RIMS2: variants seen among roughly 807,000 people sequenced by gnomAD.
RIMS2 encodes regulating synaptic membrane exocytosis 2, also known as regulating synaptic membrane exocytosis protein 2.
Under a neutral mutation model 174.4 loss-of-function variants are expected in RIMS2, and 59 were observed. The ratio of observed to expected loss-of-function variants is 0.34; its 90% CI spans 0.27 to 0.42. RIMS2 has a LOEUF of 0.42. Among genes scored for constraint, RIMS2 ranks in the 10% least tolerant of loss-of-function variants. RIMS2 has a pLI of 1.00. For missense variants in RIMS2, 1,620 were observed against 1,666.3 expected (o/e 0.97, Z 0.48); for synonymous variants, 606 against 572.5 (o/e 1.06, Z -0.84).
chr8:103,608,851 C>G (rs899271183), intron 1 of RIMS2, among the ~76,000 whole-genome samples: 3 of 152,214 alleles, frequency 2.0e-5, no homozygotes, highest in Non-Finnish European at 4.4e-5. Flanking sequence ...TGCTTTGGCT[C>G]GCGCACGGTG....
At chr8:103,946,664 A>G (rs2083878517) in intron 14 of RIMS2, among the ~76,000 whole-genome samples, 1 of 152,214 alleles carries the variant, frequency 6.6e-6, no homozygotes, top group Non-Finnish European at 1.5e-5. Flanking sequence ...TAGAACACCC[A>G]GTATTATTAA....
intron 10 of RIMS2, among the ~76,000 whole-genome samples, chr8:103,925,027 G>A (rs1046643660): frequency 6.6e-6 from 1 of 151,548 alleles, no homozygotes; most frequent in Non-Finnish European, 1.5e-5. Context: ...CCAGAATTTA[G>A]CAGTTTTTTC....
chr8:104,252,965 C>G (rs1381874451), downstream of RIMS2: 1 of 152,078 alleles, frequency 6.6e-6, no homozygotes, highest in Non-Finnish European at 1.5e-5. Flanking sequence ...CTGTAGATGC[C>G]TCTGAATTTG....
chr8:103,528,506 A>G (rs1835226577), intron 1 of RIMS2, among the ~76,000 whole-genome samples: 1 of 152,160 alleles, frequency 6.6e-6, no homozygotes, highest in African/African-American at 2.4e-5. Flanking sequence ...GTTTTCTTCT[A>G]GAGTTTTTAT....
At chr8:103,652,778 T>C in intron 1 of RIMS2, 68 bp downstream of exon 3, 7 of 949,914 alleles carry the variant, frequency 7.4e-6, no homozygotes, top group Non-Finnish European at 1.0e-5. Context: ...AAGTATGTGT[T>C]AAAATACTGT....
At chr8:103,855,234 T>A (rs147487653) in intron 3 of RIMS2, among the ~76,000 whole-genome samples, 1 of 152,206 alleles carries the variant, frequency 6.6e-6, no homozygotes, top group East Asian at 1.9e-4. Context: ...TTGTACTTAT[T>A]TGGATCTTCT....
intron 19 of RIMS2, among the ~76,000 whole-genome samples, chr8:104,115,457 CACTT>C (rs912943715): frequency 7.2e-5 from 11 of 152,136 alleles, no homozygotes; most frequent in Admixed American, 2.6e-4. Context: ...AATATGGGAA[CACTT>C]ACTTAGTAAA....
intron 19 of RIMS2, among the ~76,000 whole-genome samples, chr8:104,109,696 A>G (rs1004993918): frequency 6.6e-6 from 1 of 152,166 alleles, no homozygotes; most frequent in African/African-American, 2.4e-5. Context: ...CTTTCCTCAC[A>G]CTTTTCCACA....
intron 3 of RIMS2, among the ~76,000 whole-genome samples, chr8:103,869,512 G>A (rs749700162): frequency 2.6e-5 from 4 of 151,834 alleles, no homozygotes; most frequent in Non-Finnish European, 5.9e-5. Context: ...TTGTAGAAAC[G>A]GAGTTTCACC....
intron 3 of RIMS2, among the ~76,000 whole-genome samples, chr8:103,864,053 T>C (rs1466519762): frequency 1.3e-5 from 2 of 151,984 alleles, no homozygotes; most frequent in African/African-American, 4.8e-5. Flanking sequence ...GGACTACAGG[T>C]GTGTTCCACC....
rs1443977685 is a variant in RIMS2 at position 103,915,087 on chromosome 8, A to C, written c.1813-408A>C. Among the ~76,000 whole-genome samples the C allele has an allele frequency of 2.0e-5, 3 of 152,074 alleles. No individual in the cohort carries two copies. The East Asian group carries it at 5.8e-4, about 29-fold the overall frequency. On this transcript the variant is annotated intron_variant, in intron 6 of 23. Transcript: ENST00000504942. ...AGATTATCAATGAAAATTTGGTGGT[A>C]TATCCTAATTATAGTAAAAGAAACA... is the stretch of plus-strand genomic sequence containing the variant.
intron 3 of RIMS2, among the ~76,000 whole-genome samples, chr8:103,814,675 G>A (rs1403879461): frequency 6.6e-6 from 1 of 152,036 alleles, no homozygotes; most frequent in Non-Finnish European, 1.5e-5. Flanking sequence ...AGGAGTTCAA[G>A]ACTAGCCTGG....
intron 3 of RIMS2, among the ~76,000 whole-genome samples, chr8:103,875,830 T>C (rs920743708): frequency 6.6e-6 from 1 of 152,078 alleles, no homozygotes; most frequent in African/African-American, 2.4e-5. Flanking sequence ...GGTATCTCAC[T>C]GTGATTTTAA....
chr8:104,135,750 CAA>C (rs1259063113), intron 19 of RIMS2, among the ~76,000 whole-genome samples: 2 of 150,888 alleles, frequency 1.3e-5, no homozygotes, highest in Admixed American at 6.6e-5. Context: ...AAGATATTTG[CAA>C]AAGAGTGTTT....
intron 2 of RIMS2, among the ~76,000 whole-genome samples, chr8:103,703,313 C>T (rs2097189081): frequency 6.6e-6 from 1 of 152,166 alleles, no homozygotes; most frequent in Non-Finnish European, 1.5e-5. Flanking sequence ...TCGTGGCTCA[C>T]TGCAGCCTCT....
intron 19 of RIMS2, among the ~76,000 whole-genome samples, chr8:104,089,041 TAAAATGTTGTCCGGA>T: frequency 6.6e-6 from 1 of 151,952 alleles, no homozygotes; most frequent in Non-Finnish European, 1.5e-5. Flanking sequence ...TACAAAACAT[TAAAATGTTGTCCGGA>T]AAAACTTCTT....
At chr8:104,005,547 G>A (rs567588290) in intron 17 of RIMS2, among the ~76,000 whole-genome samples, 133 of 152,284 alleles carry the variant, frequency 8.7e-4, no homozygotes, top group Non-Finnish European at 1.5e-3. Context: ...AAGAGAATTA[G>A]AAGAGATTAA....
At chr8:103,787,400 C>T (rs1247476971) in intron 3 of RIMS2, among the ~76,000 whole-genome samples, 1 of 151,114 alleles carries the variant, frequency 6.6e-6, no homozygotes, top group African/African-American at 2.4e-5. Flanking sequence ...GATTTTGCAG[C>T]AGCTGGTACC....
chr8:103,890,289 A>G (rs1355600049), intron 4 of RIMS2, among the ~76,000 whole-genome samples: 2 of 151,996 alleles, frequency 1.3e-5, no homozygotes. Context: ...ACTTGTTGAG[A>G]TGTAATTTTG....
Sources: allele counts gnomAD v4.1 joint callset (sites outside exome capture counted in the v4.1 genomes callset), GRCh38; gene constraint gnomAD v4.1.1; transcripts MANE v1.5; gene names NCBI Gene and HGNC (gene_info 2026-07-23, HGNC 2026-07-21).